Variants in CSMD1 observed in about 807,000 individuals in gnomAD.
CSMD1 encodes CUB and sushi domain-containing protein 1.
Under a neutral mutation model 417.5 loss-of-function variants are expected in CSMD1, and 213 were observed. The observed-to-expected ratio is 0.51, with a 90% CI of 0.46 to 0.57. The LOEUF (loss-of-function observed/expected upper bound fraction) is 0.57. CSMD1 is among the 20% of genes least tolerant of loss of function. The pLI, the probability that CSMD1 is intolerant of heterozygous loss-of-function variation, is 0.00. For synonymous variants in CSMD1, 2,862 were observed against 1,736.8 expected (o/e 1.65, Z -16.11); for missense variants, 6,923 against 4,529.7 (o/e 1.53, Z -15.17).
chr8:3,792,322 GATAATA>G lies in CSMD1; in HGVS notation c.819-38286_819-38281del, dbSNP rs909642861. On this transcript the variant is annotated intron_variant, in intron 5 of 69. Transcript: ENST00000635120. ...AGAAGAAGAAAAAAACTTCCTGGGA[GATAATA>G]ATAATAAAATCAATGAACACCCACA... 7.9e-5 allele frequency among the ~76,000 whole-genome samples: 12 copies of G among 152,104 alleles called. No individual in the cohort carries two copies. The East Asian group carries it at 2.1e-3, about 27-fold the overall frequency.
chr8:4,805,413 T>C lies in CSMD1; in HGVS notation c.86-167855A>G, dbSNP rs374119629. 2.9e-4 allele frequency among the ~76,000 whole-genome samples: 44 copies of C among 152,310 alleles called. 1 individual carries two copies. In the East Asian group the frequency reaches 7.6e-3, roughly 26 times the overall value. ...GTGATAAATTATTTCTTGGTCTTCA[T>C]GTGACCGAGTCCTTGCCTACTACAG... is the stretch of plus-strand genomic sequence containing the variant. On this transcript the variant is annotated intron_variant, in intron 1 of 69. Coordinates refer to ENST00000635120, the MANE Select transcript of CSMD1 (RefSeq NM_033225.6).
chr8:3,841,804 C>G (rs529347663), intron 5 of CSMD1, among the ~76,000 whole-genome samples: 2 of 151,312 alleles, frequency 1.3e-5, no homozygotes, highest in Admixed American at 6.6e-5. Context: ...GCAAATCAGC[C>G]CATGATCTGT....
rs73660849 is a variant in CSMD1 at position 4,449,691 on chromosome 8, G to A, written c.303-29626C>T. Among the ~76,000 whole-genome samples the A allele has an allele frequency of 3.2e-3, 490 of 152,204 alleles. 3 individuals carry two copies. The highest frequency in any genetic ancestry group is 0.011 in the African/African-American group (466 of 41,530). On this transcript the variant is annotated intron_variant, in intron 2 of 69. Transcript: ENST00000635120. ...TGAGAGGAATGGGATGGGAAGAGAG[G>A]GAGAGAGAGGGAGTATGGGGAAGAA...
At position 3,450,514 on chromosome 8, in the gene CSMD1, A is replaced by G. The variant is rs553625712; in HGVS notation, c.1561+18198T>C. Reference sequence around the variant, plus strand: ...GTGTGATGTTCCCCTTCCTGTGTCCATGTGTTCTCATTGTTCAATTCCCAC... The same window carrying G: ...GTGTGATGTTCCCCTTCCTGTGTCCGTGTGTTCTCATTGTTCAATTCCCAC... On this transcript the variant is annotated intron_variant, in intron 12 of 69. Coordinates refer to ENST00000635120, the MANE Select transcript of CSMD1 (RefSeq NM_033225.6). 3.5e-5 allele frequency among the ~76,000 whole-genome samples: 5 copies of G among 142,880 alleles called. No individual in the cohort carries two copies. In the South Asian group the frequency reaches 8.8e-4, roughly 25 times the overall value. 93.7% of individuals were successfully genotyped at this position (142,880 alleles called of 152,430 possible). A position where few individuals can be genotyped will look rare whatever the true frequency, so the allele number is the denominator to read the frequency against.
At chr8:4,748,592 C>G (rs1032443309) in intron 1 of CSMD1, among the ~76,000 whole-genome samples, 1 of 152,132 alleles carries the variant, frequency 6.6e-6, no homozygotes, top group East Asian at 1.9e-4. Context: ...AGAAGACTCA[C>G]GGGGAGAAAT....
intron 3 of CSMD1, among the ~76,000 whole-genome samples, chr8:4,241,010 C>A (rs1477762977): frequency 2.6e-5 from 4 of 152,084 alleles, no homozygotes; most frequent in Non-Finnish European, 5.9e-5. Flanking sequence ...CAGTGAAAAC[C>A]CATCTGACTG....
intron 3 of CSMD1, among the ~76,000 whole-genome samples, chr8:4,112,220 G>A (rs1029579230): frequency 6.6e-6 from 1 of 152,082 alleles, no homozygotes; most frequent in African/African-American, 2.4e-5. Flanking sequence ...ACCTCTTTCA[G>A]GGGTGTGAAG....
intron 5 of CSMD1, among the ~76,000 whole-genome samples, chr8:3,958,566 C>A (rs1282967919): frequency 6.6e-6 from 1 of 152,118 alleles, no homozygotes; most frequent in Non-Finnish European, 1.5e-5. Flanking sequence ...TCAATTTACT[C>A]ATTTATCTGC....
At chr8:3,360,072 G>C (rs1361351866) in intron 20 of CSMD1, among the ~76,000 whole-genome samples, 2 of 152,144 alleles carry the variant, frequency 1.3e-5, no homozygotes, top group Non-Finnish European at 1.5e-5. Flanking sequence ...ACAGGGCTAT[G>C]TTTCTGGAAA....
chr8:4,250,557 G>A (rs933769945), intron 3 of CSMD1, among the ~76,000 whole-genome samples: 5 of 152,120 alleles, frequency 3.3e-5, no homozygotes, highest in African/African-American at 9.7e-5. Flanking sequence ...GTTTAGAATG[G>A]AAAGCTAATT....
chr8:3,436,009 C>A (rs893404325), intron 12 of CSMD1, among the ~76,000 whole-genome samples: 2 of 152,174 alleles, frequency 1.3e-5, no homozygotes, highest in Admixed American at 6.6e-5. Flanking sequence ...TGGGACACAT[C>A]CCAGCTACCC....
intron 2 of CSMD1, among the ~76,000 whole-genome samples, chr8:4,480,187 C>CA (rs763375040): frequency 0.23 from 24,131 of 103,280 alleles, 2,531 homozygotes; most frequent in African/African-American, 0.35. Context: ...TGTTATCTCA[C>CA]AAAAAAAAAA....
chr8:3,609,166 A>T (rs1801767283), intron 8 of CSMD1, among the ~76,000 whole-genome samples: 1 of 152,210 alleles, frequency 6.6e-6, no homozygotes, highest in African/African-American at 2.4e-5. Context: ...CTGAATTTCA[A>T]CGCTTCTACT....
At chr8:4,816,525 G>C (rs73502005) in intron 1 of CSMD1, among the ~76,000 whole-genome samples, 1 of 152,198 alleles carries the variant, frequency 6.6e-6, no homozygotes, top group Admixed American at 6.5e-5. Flanking sequence ...ACCATGCGCA[G>C]CCAAATCACG....
intron 1 of CSMD1, among the ~76,000 whole-genome samples, chr8:4,713,857 T>C (rs1808471789): frequency 2.0e-5 from 3 of 152,282 alleles, no homozygotes; most frequent in Middle Eastern, 6.8e-3. Context: ...CTTTTGAAGA[T>C]GGGCAGAAGC....
chr8:3,235,115 T>C (rs753082969), intron 26 of CSMD1, among the ~76,000 whole-genome samples: 1 of 152,212 alleles, frequency 6.6e-6, no homozygotes, highest in Non-Finnish European at 1.5e-5. Context: ...AATAAGTGTA[T>C]AATATTAAAA....
At chr8:3,418,728 A>G (rs938261948) in intron 12 of CSMD1, among the ~76,000 whole-genome samples, 1 of 152,166 alleles carries the variant, frequency 6.6e-6, no homozygotes, top group Admixed American at 6.5e-5. Context: ...GGACATCTCC[A>G]TTGAATTTCC....
chr8:4,728,476 T>G (rs1479879617), intron 1 of CSMD1, among the ~76,000 whole-genome samples: 1 of 151,964 alleles, frequency 6.6e-6, no homozygotes, highest in Non-Finnish European at 1.5e-5. Flanking sequence ...CACAGCAGAG[T>G]GCTGCCATGT....
chr8:4,131,140 C>T (rs1447002352), intron 3 of CSMD1, among the ~76,000 whole-genome samples: 1 of 152,102 alleles, frequency 6.6e-6, no homozygotes, highest in African/African-American at 2.4e-5. Context: ...AAGTTATAAT[C>T]ATAATGTAGA....
Sources: gnomAD v4.1 joint callset for allele counts (sites outside exome capture counted in the v4.1 genomes callset) on GRCh38, gnomAD v4.1.1 for gene constraint, MANE v1.5 for transcripts, NCBI Gene and HGNC (gene_info 2026-07-23, HGNC 2026-07-21) for gene names.